The following CCL26 variants were observed in gnomAD, a reference collection of about 807,000 sequenced individuals.
The protein encoded by CCL26 is C-C motif chemokine ligand 26.
In CCL26, 10 loss-of-function variants were observed where a neutral mutation model predicts 10.7. The ratio of observed to expected loss-of-function variants is 0.93; its 90% CI spans 0.57 to 1.58. CCL26 has a LOEUF of 1.58. Among genes scored for constraint, CCL26 ranks in the 40% most tolerant of loss-of-function variants. The pLI is 0.00. For missense variants in CCL26, 116 were observed against 111.0 expected (o/e 1.05, Z -0.20); for synonymous variants, 43 against 41.4 (o/e 1.04, Z -0.15).
chr7:75,786,783 G>C (rs1223378401), intron 1 of CCL26, among the ~76,000 whole-genome samples: 1 of 152,150 alleles, frequency 6.6e-6, no homozygotes, highest in African/African-American at 2.4e-5. Flanking sequence ...CAAGACAAAT[G>C]GTTCTTAAAC....
chr7:75,772,667 A>AC, upstream of CCL26, among the ~76,000 whole-genome samples: 1 of 151,232 alleles, frequency 6.6e-6, no homozygotes, highest in East Asian at 1.9e-4. Flanking sequence ...AAAAAAAAAA[A>AC]ACAAACAAAC....
At chr7:75,788,741 G>T (rs1182299698) in intron 1 of CCL26, among the ~76,000 whole-genome samples, 1 of 149,636 alleles carries the variant, frequency 6.7e-6, no homozygotes, top group Non-Finnish European at 1.5e-5. Flanking sequence ...AAAAAAAGAA[G>T]AAAAAAAAAG....
At chr7:75,781,318 C>T (rs1366058563) in intron 1 of CCL26, among the ~76,000 whole-genome samples, 2 of 152,248 alleles carry the variant, frequency 1.3e-5, no homozygotes, top group African/African-American at 4.8e-5. Flanking sequence ...CTTGCCTCCA[C>T]TGTGAGACAA....
intron 2 of CCL26, 47 bp downstream of exon 2, chr7:75,771,841 GT>G: frequency 8.3e-7 from 1 of 1,199,326 alleles, no homozygotes; most frequent in Non-Finnish European, 1.2e-6. Context: ...CACCCATCCT[GT>G]TGCATGACTG....
chr7:75,774,924 A>G (rs1163395025), upstream of CCL26, among the ~76,000 whole-genome samples: 2 of 150,916 alleles, frequency 1.3e-5, no homozygotes, highest in African/African-American at 4.9e-5. Context: ...TGTCTCTTTA[A>G]AAAAAGAATT....
chr7:75,774,219 G>A (rs887678313), upstream of CCL26, among the ~76,000 whole-genome samples: 8 of 152,044 alleles, frequency 5.3e-5, no homozygotes, highest in Admixed American at 1.3e-4. Context: ...GCACAATCTC[G>A]GCTCACTGCA....
upstream of CCL26, among the ~76,000 whole-genome samples, chr7:75,791,508 A>G (rs1554530863): frequency 4.0e-5 from 6 of 151,704 alleles, no homozygotes. Flanking sequence ...CTCTGTGTGG[A>G]TCTCCCAGGA....
intron 1 of CCL26, among the ~76,000 whole-genome samples, chr7:75,788,625 G>T (rs966465925): frequency 1.3e-5 from 2 of 151,458 alleles, no homozygotes; most frequent in Non-Finnish European, 2.9e-5. Context: ...TGTAATCCCA[G>T]CTACTCAGGA....
chr7:75,769,646 G>A lies in CCL26; in HGVS notation c.*47C>T. ...TCCGCAGGCTCCCCAGAGGGCTGCAGAGCCAAGAGCGGGGTCCAAGCGTCC... is the reference window on the plus strand; with the variant it reads ...TCCGCAGGCTCCCCAGAGGGCTGCAAAGCCAAGAGCGGGGTCCAAGCGTCC... On this transcript the variant is annotated 3_prime_UTR_variant, in exon 3 of 3. Transcript: ENST00000005180. 1 of 1,286,860 alleles carries A rather than the reference G, an allele frequency of 7.8e-7. No homozygotes were observed. Among genetic ancestry groups the A allele is most frequent in the Admixed American group, 1.7e-5 (1 of 59,232 alleles). 79.7% of individuals were successfully genotyped at this position (1,286,860 alleles called of 1,614,324 possible).
chr7:75,774,741 C>T (rs1413041828), upstream of CCL26, among the ~76,000 whole-genome samples: 9 of 139,596 alleles, frequency 6.4e-5, 1 homozygote, highest in African/African-American at 1.4e-4. Flanking sequence ...CCACCCCACC[C>T]GGCCTATTTT....
intron 1 of CCL26, among the ~76,000 whole-genome samples, chr7:75,779,147 C>A (rs1803005842): frequency 6.6e-6 from 1 of 152,114 alleles, no homozygotes; most frequent in Non-Finnish European, 1.5e-5. Flanking sequence ...CCCCATTTGA[C>A]TGTAATTTTC....
At chr7:75,787,180 G>A (rs1472491039) in intron 1 of CCL26, among the ~76,000 whole-genome samples, 2 of 152,156 alleles carry the variant, frequency 1.3e-5, no homozygotes, top group Non-Finnish European at 1.5e-5. Context: ...TCTGTCAGAC[G>A]TAATTCCTCG....
chr7:75,790,569 A>G (rs1803310706), upstream of CCL26, among the ~76,000 whole-genome samples: 1 of 151,826 alleles, frequency 6.6e-6, no homozygotes. Context: ...CTGGCCTCTT[A>G]TGGATGTCTT....
At chr7:75,776,931 C>T (rs181741292), upstream of CCL26, among the ~76,000 whole-genome samples, 475 of 152,112 alleles carry the variant, frequency 3.1e-3, 8 homozygotes, top group African/African-American at 4.4e-3. Flanking sequence ...GGCATGTACC[C>T]GTCAGAAACG....
intron 1 of CCL26, among the ~76,000 whole-genome samples, chr7:75,782,108 C>A (rs868915790): frequency 6.6e-6 from 1 of 152,214 alleles, no homozygotes; most frequent in East Asian, 1.9e-4. Flanking sequence ...CTCTCTTCTC[C>A]AACCTCTCTC....
At chr7:75,790,178 C>CCTTCCTTT (rs60788546), upstream of CCL26, among the ~76,000 whole-genome samples, 438 of 44,252 alleles carry the variant, frequency 9.9e-3, 7 homozygotes, top group East Asian at 0.024. Context: ...TTCCTTCCTT[C>CCTTCCTTT]CTTTCTTTCT....
chr7:75,776,113 C>T (rs1225956125), upstream of CCL26, among the ~76,000 whole-genome samples: 3 of 148,664 alleles, frequency 2.0e-5, no homozygotes, highest in Non-Finnish European at 3.0e-5. Flanking sequence ...ACTCTGTCGC[C>T]CAGGCTGGAG....
At chr7:75,776,087 T>C (rs1161046471), upstream of CCL26, among the ~76,000 whole-genome samples, 1 of 118,758 alleles carries the variant, frequency 8.4e-6, no homozygotes, top group African/African-American at 3.6e-5. Flanking sequence ...TTTTTTTTTT[T>C]TTGAGACAGA....
At chr7:75,791,090 G>A (rs1187125520), upstream of CCL26, among the ~76,000 whole-genome samples, 5 of 142,058 alleles carry the variant, frequency 3.5e-5, no homozygotes, top group Admixed American at 3.0e-4. Context: ...GCAATGGCAC[G>A]ATCTCGGCTC....
Sources: allele counts gnomAD v4.1 joint callset (sites outside exome capture counted in the v4.1 genomes callset), GRCh38; gene constraint gnomAD v4.1.1; transcripts MANE v1.5; gene names NCBI Gene and HGNC (gene_info 2026-07-23, HGNC 2026-07-21).